FAM149A: variants seen among roughly 807,000 people sequenced by gnomAD.
FAM149A encodes the protein family with sequence similarity 149 member A.
Under a neutral mutation model 78.2 loss-of-function variants are expected in FAM149A, and 71 were observed. That is an observed-to-expected ratio of 0.91 (90% CI 0.75 to 1.11). FAM149A has a LOEUF of 1.11. Among genes scored for constraint, FAM149A ranks in the 50% least tolerant of loss-of-function variants. The probability of loss-of-function intolerance (pLI) is 0.00; values close to 1 mark genes in which losing one functional copy is unlikely to be tolerated. For synonymous variants in FAM149A, 446 were observed against 410.5 expected, an observed-to-expected ratio of 1.09 and a Z score of -1.04; for missense variants, 1,036 against 971.0, an observed-to-expected ratio of 1.07 and a Z score of -0.89.
intron 1 of FAM149A, among the ~76,000 whole-genome samples, chr4:186,137,021 A>ACTCTCTCTCTCTCTCTCTCTCTC (rs1554068550): frequency 1.1e-5 from 1 of 93,780 alleles, no homozygotes; most frequent in Admixed American, 1.4e-4. Context: ...TCTCTCTCTA[A>ACTCTCTCTCTCTCTCTCTCTCTC]GTGCTTAAAG....
At chr4:186,137,214 G>T (rs541864746) in intron 1 of FAM149A, among the ~76,000 whole-genome samples, 3 of 151,694 alleles carry the variant, frequency 2.0e-5, no homozygotes, top group Non-Finnish European at 4.4e-5. Flanking sequence ...GGATAAAGCT[G>T]TGTACCCTTG....
intron 1 of FAM149A, chr4:186,127,451 T>C (rs1175787276): frequency 3.5e-5 from 34 of 985,320 alleles, no homozygotes; most frequent in Non-Finnish European, 4.0e-5. Context: ...AGAAGAGATG[T>C]CAAGAGGCTG....
intron 1 of FAM149A, among the ~76,000 whole-genome samples, chr4:186,120,516 G>T (rs369796073): frequency 6.6e-6 from 1 of 151,942 alleles, no homozygotes; most frequent in African/African-American, 2.4e-5. Flanking sequence ...TAGTAAGACC[G>T]GGCGCGGTGG....
Position 186,144,400 on chromosome 4 carries a change from G to C in FAM149A, c.567-4773G>C, listed in dbSNP as rs549717072. 6.6e-6 allele frequency: 1 copy of C among 152,278 alleles called. No individual in the cohort carries two copies. The highest frequency in any genetic ancestry group is 6.5e-5 in the Admixed American group (1 of 15,286). The allele number at this position is 152,278 out of a possible 1,614,324, so 9.4% of individuals were successfully genotyped here. A position where few individuals can be genotyped will look rare whatever the true frequency, so the allele number is the denominator to read the frequency against. ...CATGCTTAGATCTAGCGTTCCTGTT[G>C]ATGGAGTAATGGTTCTCGCATTGAC... is the stretch of plus-strand genomic sequence containing the variant. On this transcript the variant is annotated intron_variant, in intron 1 of 13. Coordinates refer to ENST00000389354, the MANE Select transcript of FAM149A (RefSeq NM_001367768.3). This position sits in a 1 kb window ranked among gnomAD's most constrained non-coding sequence, Gnocchi z 4.2.
At chr4:186,163,094 A>T in intron 9 of FAM149A, 146 bp downstream of exon 9, 1 of 637,460 alleles carries the variant, frequency 1.6e-6, no homozygotes, top group Non-Finnish European at 2.8e-6. Flanking sequence ...GGAAGAGCAG[A>T]AACAGACCCT....
intron 1 of FAM149A, among the ~76,000 whole-genome samples, chr4:186,148,135 T>A (rs909551737): frequency 2.0e-5 from 3 of 152,144 alleles, no homozygotes; most frequent in African/African-American, 7.2e-5. Flanking sequence ...GAGACCAGCC[T>A]GGCTAACATG....
rs781282803 is a variant in FAM149A at position 186,164,984 on chromosome 4, G to C, written c.1890-360G>C. On this transcript the variant is annotated intron_variant, in intron 10 of 13. Coordinates refer to ENST00000389354, the MANE Select transcript of FAM149A (RefSeq NM_001367768.3). The surrounding 1 kb of genome is among the most constrained non-coding windows in gnomAD (Gnocchi z 4.0). ...ACATACGAGGGAAGCTGTGGCTTCA[G>C]AGGGGCCAGTGCCCACCCCCTTTGG... Among the ~76,000 whole-genome samples the C allele has an allele frequency of 6.6e-6, 1 of 152,104 alleles. No homozygotes were observed. The highest frequency in any genetic ancestry group is 1.5e-5 in the Non-Finnish European group (1 of 68,036).
At chr4:186,162,810 CTTTTTTTTTTTTT>C (rs56973296) in intron 8 of FAM149A, 22 bp from the exon 9 acceptor site, 3 of 563,118 alleles carry the variant, frequency 5.3e-6, no homozygotes, top group African/African-American at 5.0e-5. Context: ...ATTTGTAATT[CTTTTTTTTTTTTT>C]TTTTTTTTTT....
chr4:186,167,089 C>G lies in FAM149A; in HGVS notation c.2132C>G (p.Thr711Arg), dbSNP rs764703223. 8 of 1,613,020 alleles carry G rather than the reference C, an allele frequency of 5.0e-6. No homozygotes were observed. Among genetic ancestry groups the G allele is most frequent in the Non-Finnish European group, 5.9e-6 (7 of 1,179,232 alleles). Reference sequence around the variant, plus strand: ...TTGTCAAGGCCCAGCACAACCCACACGTTCCGGGTGGGTTCTCTGTTTCCT... The same window carrying G: ...TTGTCAAGGCCCAGCACAACCCACAGGTTCCGGGTGGGTTCTCTGTTTCCT... The change falls in exon 12 of 14, where the codon ACG becomes AGG. Residue 711 changes from threonine to arginine, a missense_variant. Thr to Arg is a moderately conservative substitution (Grantham distance 71, BLOSUM62 -1). Coordinates refer to ENST00000389354, the MANE Select transcript of FAM149A (RefSeq NM_001367768.3).
intron 1 of FAM149A, among the ~76,000 whole-genome samples, chr4:186,147,397 A>C (rs937435664): frequency 2.6e-5 from 4 of 152,200 alleles, no homozygotes; most frequent in Admixed American, 2.0e-4. Flanking sequence ...TAATAATAAT[A>C]ACATAACAAT....
In FAM149A at chr4:186,164,409, C is replaced by CTGCAGG. The variant is rs1377642322; in HGVS notation, c.1889+776_1889+777insTGCAGG. 1 of 972,766 alleles carries CTGCAGG rather than the reference C, an allele frequency of 1.0e-6. No homozygotes were observed. The highest frequency in any genetic ancestry group is 1.2e-6 in the Non-Finnish European group (1 of 818,448). 60.3% of individuals were successfully genotyped at this position (972,766 alleles called of 1,614,324 possible). Reference sequence around the variant, plus strand: ...CTTTAGAGACCACCCACTGGACCCCCGGCCTGCAGGGGAGCTGTTATCAGG... The same window carrying CTGCAGG: ...CTTTAGAGACCACCCACTGGACCCCCTGCAGGGGCCTGCAGGGGAGCTGTTATCAGG... On this transcript the variant is annotated intron_variant, in intron 10 of 13. Coordinates refer to ENST00000389354, the MANE Select transcript of FAM149A (RefSeq NM_001367768.3). This position sits in a 1 kb window ranked among gnomAD's most constrained non-coding sequence, Gnocchi z 4.0.
At chr4:186,158,130 C>T (rs1248432334) in intron 8 of FAM149A, 9 of 1,299,032 alleles carry the variant, frequency 6.9e-6, no homozygotes, top group Admixed American at 2.3e-5. Context: ...CTGTCTTGCT[C>T]CAGGAACACT....
At chr4:186,133,228 A>G (rs565262471) in intron 1 of FAM149A, 12 of 978,768 alleles carry the variant, frequency 1.2e-5, no homozygotes, top group East Asian at 2.3e-4. Context: ...TATTTTAACA[A>G]TTTTAAGTGT....
intron 1 of FAM149A, chr4:186,132,001 T>C (rs1158766111): frequency 1.0e-6 from 1 of 985,372 alleles, no homozygotes; most frequent in Non-Finnish European, 1.2e-6. Flanking sequence ...GGGTTTAGCT[T>C]CTGTTCTAGC....
intron 8 of FAM149A, chr4:186,158,878 G>GAA: frequency 2.4e-6 from 2 of 821,426 alleles, no homozygotes; most frequent in Non-Finnish European, 2.9e-6. Flanking sequence ...CAGCAAGATG[G>GAA]AAATAAGGCC....
At chr4:186,153,619 T>C in intron 4 of FAM149A, 26 bp from the exon 5 acceptor site, 2 of 1,597,170 alleles carry the variant, frequency 1.3e-6, no homozygotes, top group Non-Finnish European at 1.7e-6. Context: ...ATCAAAAATG[T>C]CAGTAGCTTC....
chr4:186,154,209 A>G (rs10034025), intron 5 of FAM149A, among the ~76,000 whole-genome samples: 1,777 of 152,306 alleles, frequency 0.012, 41 homozygotes, highest in African/African-American at 0.041. Context: ...CCGTGACACA[A>G]TGCAGTCCTT....
intron 1 of FAM149A, chr4:186,123,881 T>TA (rs71593674): frequency 0.11 from 106,320 of 943,984 alleles, 1,494 homozygotes; most frequent in South Asian, 0.13. Flanking sequence ...ATCACTTTCT[T>TA]AAAAAAAATA....
Position 186,149,656 on chromosome 4 carries a change from C to T in FAM149A, c.741C>T (p.Thr247=). Reference sequence around the variant, plus strand: ...CTGGGTCGGCCACACAGAGCTCTACCACCGGCTCATCCACGGAGAGGGGCT... The same window carrying T: ...CTGGGTCGGCCACACAGAGCTCTACTACCGGCTCATCCACGGAGAGGGGCT... Residue 247 remains threonine, a synonymous_variant, in exon 3 of 14, where the codon ACC becomes ACT. Coordinates refer to ENST00000389354, the MANE Select transcript of FAM149A (RefSeq NM_001367768.3). 1.6e-6 allele frequency: 2 copies of T among 1,289,880 alleles called. No homozygotes were observed. Among genetic ancestry groups the T allele is most frequent in the Non-Finnish European group, 2.0e-6 (2 of 988,812 alleles). 79.9% of individuals were successfully genotyped at this position (1,289,880 alleles called of 1,614,324 possible).
Sources: gnomAD v4.1 joint callset for allele counts (sites outside exome capture counted in the v4.1 genomes callset) on GRCh38, gnomAD v4.1.1 for gene constraint, Gnocchi (gnomAD v3.1) non-coding constraint, MANE v1.5 for transcripts, NCBI Gene and HGNC (gene_info 2026-07-23, HGNC 2026-07-21) for gene names.